The following TMEM131L variants were observed in gnomAD, a reference collection of about 807,000 sequenced individuals.
TMEM131L encodes the protein transmembrane protein 131-like.
In TMEM131L, 54 loss-of-function variants were observed where a neutral mutation model predicts 192.2. That is an observed-to-expected ratio of 0.28 (90% CI 0.23 to 0.35). The LOEUF is 0.35. TMEM131L is among the 10% of genes least tolerant of loss of function. The pLI, the probability that TMEM131L is intolerant of heterozygous loss-of-function variation, is 1.00. For missense variants in TMEM131L, 1,888 were observed against 1,972.9 expected, an observed-to-expected ratio of 0.96 and a Z score of 0.82; for synonymous variants, 701 against 704.9, an observed-to-expected ratio of 0.99 and a Z score of 0.09.
chr4:153,582,645 GATCA>G (rs1393893908), intron 9 of TMEM131L, among the ~76,000 whole-genome samples: 1 of 151,902 alleles, frequency 6.6e-6, no homozygotes, highest in African/African-American at 2.4e-5. Context: ...GGTAGTGCTG[GATCA>G]GCAGGAGAGC....
intron 3 of TMEM131L, among the ~76,000 whole-genome samples, chr4:153,530,946 A>G (rs566348469): frequency 6.6e-6 from 1 of 152,200 alleles, no homozygotes; most frequent in Admixed American, 6.5e-5. Flanking sequence ...TTTTATAAGC[A>G]CCTAATTCTC....
intron 3 of TMEM131L, among the ~76,000 whole-genome samples, chr4:153,539,833 G>A (rs940344688): frequency 1.3e-5 from 2 of 151,676 alleles, no homozygotes; most frequent in Non-Finnish European, 2.9e-5. Context: ...TGTCAGGGCC[G>A]GGCACGGTGG....
At chr4:153,484,444 G>C (rs532296127) in intron 3 of TMEM131L, among the ~76,000 whole-genome samples, 75 of 151,708 alleles carry the variant, frequency 4.9e-4, no homozygotes, top group African/African-American at 1.7e-3. Flanking sequence ...TAGGGATGTA[G>C]TTTTTATTTT....
At chr4:153,484,099 A>T (rs1410213695) in intron 3 of TMEM131L, among the ~76,000 whole-genome samples, 1 of 152,194 alleles carries the variant, frequency 6.6e-6, no homozygotes, top group Non-Finnish European at 1.5e-5. Context: ...CAATATTAAG[A>T]TAATGGGGTC....
intron 3 of TMEM131L, among the ~76,000 whole-genome samples, chr4:153,548,268 A>G (rs985191713): frequency 6.6e-6 from 1 of 152,196 alleles, no homozygotes; most frequent in Non-Finnish European, 1.5e-5. Flanking sequence ...AATTAGGCAG[A>G]TGGAGCCCAA....
At chr4:153,545,843 C>G (rs1561178619) in intron 3 of TMEM131L, among the ~76,000 whole-genome samples, 1 of 152,142 alleles carries the variant, frequency 6.6e-6, no homozygotes, top group Non-Finnish European at 1.5e-5. Flanking sequence ...AGCTCAGACA[C>G]TGCAGATGGC....
intron 3 of TMEM131L, among the ~76,000 whole-genome samples, chr4:153,518,039 A>ATGGT (rs1734856828): frequency 6.6e-6 from 1 of 152,132 alleles, no homozygotes; most frequent in African/African-American, 2.4e-5. Flanking sequence ...GGTGAAAAAA[A>ATGGT]AAACAGTAAC....
intron 3 of TMEM131L, among the ~76,000 whole-genome samples, chr4:153,485,008 A>G (rs374327779): frequency 1.3e-5 from 2 of 149,710 alleles, no homozygotes; most frequent in Admixed American, 6.6e-5. Context: ...AGTCCCAGCT[A>G]CTTGGGAGGC....
intron 3 of TMEM131L, among the ~76,000 whole-genome samples, chr4:153,488,265 G>T (rs1231592949): frequency 2.0e-5 from 3 of 152,138 alleles, no homozygotes; most frequent in Admixed American, 2.0e-4. Context: ...CATGAGGAAG[G>T]ATATTACTTA....
At chr4:153,479,850 G>T (rs1731794798) in intron 3 of TMEM131L, among the ~76,000 whole-genome samples, 1 of 152,164 alleles carries the variant, frequency 6.6e-6, no homozygotes, top group Admixed American at 6.5e-5. Context: ...CTCGCTTTTG[G>T]CAGTGAAACA....
At position 153,566,518 on chromosome 4, in the gene TMEM131L, A is replaced by AGTGTGT. The variant is rs35949558; in HGVS notation, c.660+8179_660+8184dup. On this transcript the variant is annotated intron_variant, in intron 7 of 34. Coordinates refer to ENST00000409959, the MANE Select transcript of TMEM131L (RefSeq NM_001131007.2). ...AGTTTTGTCTTTGTGTGTGAGTGTGAGTGTGTGTGTGTGTGTGTGTGTGTG... is the reference window on the plus strand; with the variant it reads ...AGTTTTGTCTTTGTGTGTGAGTGTGAGTGTGTGTGTGTGTGTGTGTGTGTGTGTGTG... 2.7e-3 allele frequency among the ~76,000 whole-genome samples: 396 copies of AGTGTGT among 145,854 alleles called. 3 individuals are homozygous for AGTGTGT. Among genetic ancestry groups the AGTGTGT allele is most frequent in the South Asian group, 0.011 (49 of 4,462 alleles).
At chr4:153,561,975 A>G (rs1036652609) in intron 7 of TMEM131L, among the ~76,000 whole-genome samples, 2 of 150,910 alleles carry the variant, frequency 1.3e-5, no homozygotes, top group African/African-American at 4.9e-5. Flanking sequence ...AAAAAAAAAA[A>G]CCTCTTAAAA....
At chr4:153,563,658 A>C (rs1728995493) in intron 7 of TMEM131L, among the ~76,000 whole-genome samples, 1 of 151,590 alleles carries the variant, frequency 6.6e-6, no homozygotes, top group South Asian at 2.1e-4. Context: ...TGTAGAGACA[A>C]GATTTTGCCA....
At position 153,627,592 on chromosome 4, in the gene TMEM131L, C is replaced by G. The variant is rs750018006; in HGVS notation, c.4125-13C>G. 34 of 1,610,496 alleles carry G rather than the reference C, an allele frequency of 2.1e-5. No homozygotes were observed. The highest frequency in any genetic ancestry group is 5.3e-5 in the African/African-American group (4 of 74,838). On this transcript the variant is annotated splice_polypyrimidine_tract_variant and intron_variant, in intron 30 of 34. Transcript: ENST00000409959. ...AAAAATGAGTCGTTCCTCCTTTGCC[C>G]TCTTCCCCACAGGACCGTGAATAGT...
At chr4:153,488,287 A>C (rs764770978) in intron 3 of TMEM131L, among the ~76,000 whole-genome samples, 12 of 152,214 alleles carry the variant, frequency 7.9e-5, no homozygotes, top group Non-Finnish European at 1.6e-4. Context: ...GGCAAAACTG[A>C]AAGAAGTGTT....
intron 3 of TMEM131L, among the ~76,000 whole-genome samples, chr4:153,548,959 C>G (rs2150394929): frequency 6.6e-6 from 1 of 152,164 alleles, no homozygotes; most frequent in East Asian, 1.9e-4. Flanking sequence ...ATTCTATTTA[C>G]TTATTTATTT....
intron 29 of TMEM131L, among the ~76,000 whole-genome samples, chr4:153,625,580 TA>T (rs1162979501): frequency 1.3e-5 from 2 of 151,894 alleles, no homozygotes; most frequent in Non-Finnish European, 2.9e-5. Flanking sequence ...ATAAATGGTG[TA>T]AAAAAACAAA....
At chr4:153,522,574 G>A (rs1024958847) in intron 3 of TMEM131L, among the ~76,000 whole-genome samples, 19 of 152,090 alleles carry the variant, frequency 1.2e-4, no homozygotes, top group Non-Finnish European at 2.4e-4. Flanking sequence ...GTGCCCTACC[G>A]AGCTCTCTCT....
Position 153,561,373 on chromosome 4 carries a change from T to A in TMEM131L, c.660+3005T>A. Among the ~76,000 whole-genome samples, 2 of 152,250 alleles carry A rather than the reference T, an allele frequency of 1.3e-5. 1 individual carries two copies. Among genetic ancestry groups the A allele is most frequent in the East Asian group, 3.8e-4 (2 of 5,206 alleles). On this transcript the variant is annotated intron_variant, in intron 7 of 34. Coordinates refer to ENST00000409959, the MANE Select transcript of TMEM131L (RefSeq NM_001131007.2). ...GATGCCCTTTGAAGTACAAAAGATT[T>A]AAATTTTGATGAAGTCAAGTTTTTC... is the stretch of plus-strand genomic sequence containing the variant.
Sources: gnomAD v4.1 joint callset for allele counts (sites outside exome capture counted in the v4.1 genomes callset) on GRCh38, gnomAD v4.1.1 for gene constraint, MANE v1.5 for transcripts, NCBI Gene and HGNC (gene_info 2026-07-23, HGNC 2026-07-21) for gene names.